Variants in RALYL observed in about 807,000 individuals in gnomAD.
RALYL encodes the protein RNA-binding Raly-like protein.
RALYL carries 29 observed loss-of-function variants against 35.1 expected under a neutral mutation model. That is an observed-to-expected ratio of 0.83 (90% CI 0.61 to 1.13). The LOEUF is 1.13. RALYL is among the 50% of genes most tolerant of loss of function. RALYL has a pLI of 0.00. For missense variants in RALYL, 359 were observed against 360.4 expected, an observed-to-expected ratio of 1.00 and a Z score of 0.03; for synonymous variants, 120 against 127.6, an observed-to-expected ratio of 0.94 and a Z score of 0.40.
At chr8:84,268,890 T>G (rs1833802746) in intron 1 of RALYL, among the ~76,000 whole-genome samples, 2 of 152,316 alleles carry the variant, frequency 1.3e-5, no homozygotes, top group South Asian at 4.1e-4. Context: ...TGAGAAAGAA[T>G]TTTAAAAGCT....
Position 84,206,719 on chromosome 8 carries a change from G to A in RALYL, c.-24+22295G>A, listed in dbSNP as rs560672915. On this transcript the variant is annotated intron_variant, in intron 1 of 8. Coordinates refer to ENST00000521268, the MANE Select transcript of RALYL (RefSeq NM_173848.7). ...TTTCTCTGGGAATAAGGAATTGTGG[G>A]CAGCAAAGAGATTGTGGCGCGACAT... Among the ~76,000 whole-genome samples, 6 of 152,254 alleles carry A rather than the reference G, an allele frequency of 3.9e-5. No individual in the cohort carries two copies. In the South Asian group the frequency reaches 1.0e-3, roughly 26 times the overall value.
At chr8:84,306,441 C>T in intron 1 of RALYL, among the ~76,000 whole-genome samples, 1 of 152,136 alleles carries the variant, frequency 6.6e-6, no homozygotes. Flanking sequence ...ATAGGTCAGA[C>T]TTTGGTGTTA....
intron 8 of RALYL, among the ~76,000 whole-genome samples, chr8:84,888,112 T>C (rs550824742): frequency 6.6e-6 from 1 of 152,336 alleles, no homozygotes; most frequent in African/African-American, 2.4e-5. Context: ...GTGGATATAA[T>C]ATCCTGGTAA....
intron 3 of RALYL, among the ~76,000 whole-genome samples, chr8:84,778,805 G>C (rs1423090158): frequency 2.6e-5 from 4 of 152,158 alleles, no homozygotes; most frequent in Non-Finnish European, 5.9e-5. Flanking sequence ...TGTGAGGAGA[G>C]AGAGTCACAA....
At chr8:84,184,760 T>A in intron 1 of RALYL, 1 of 414,308 alleles carries the variant, frequency 2.4e-6, no homozygotes, top group Non-Finnish European at 4.3e-6. Flanking sequence ...GCGGGCCCTG[T>A]AAGTTCTCCG....
intron 1 of RALYL, among the ~76,000 whole-genome samples, chr8:84,518,339 G>A (rs1246249008): frequency 6.6e-6 from 1 of 152,164 alleles, no homozygotes; most frequent in Non-Finnish European, 1.5e-5. Context: ...CTATAGCTAA[G>A]GGGAAGGGAG....
intron 1 of RALYL, among the ~76,000 whole-genome samples, chr8:84,187,959 T>C (rs1324860487): frequency 6.6e-6 from 1 of 152,068 alleles, no homozygotes; most frequent in Non-Finnish European, 1.5e-5. Flanking sequence ...TTCAAAAAGC[T>C]CCATTATGGA....
intron 2 of RALYL, among the ~76,000 whole-genome samples, chr8:84,574,259 T>G (rs904139347): frequency 6.6e-6 from 1 of 152,080 alleles, no homozygotes; most frequent in Non-Finnish European, 1.5e-5. Flanking sequence ...AAAAAAGTCT[T>G]ATCAGAACCG....
intron 2 of RALYL, among the ~76,000 whole-genome samples, chr8:84,744,234 A>C (rs1035618658): frequency 6.6e-6 from 1 of 152,104 alleles, no homozygotes; most frequent in Admixed American, 6.6e-5. Flanking sequence ...TCACTCTGTA[A>C]TGTCCATAAT....
At chr8:84,218,224 A>T (rs1170732699) in intron 1 of RALYL, among the ~76,000 whole-genome samples, 1 of 152,024 alleles carries the variant, frequency 6.6e-6, no homozygotes, top group South Asian at 2.1e-4. Context: ...ATAGGATTTA[A>T]GTCTTTGTAG....
intron 1 of RALYL, among the ~76,000 whole-genome samples, chr8:84,378,745 T>A (rs1857398085): frequency 6.6e-6 from 1 of 151,038 alleles, no homozygotes; most frequent in African/African-American, 2.4e-5. Flanking sequence ...GACACTTCAC[T>A]TTTTTTTTCA....
chr8:84,481,905 CA>C (rs2054083479), intron 1 of RALYL, among the ~76,000 whole-genome samples: 1 of 151,836 alleles, frequency 6.6e-6, no homozygotes, highest in African/African-American at 2.4e-5. Flanking sequence ...TAGATATATA[CA>C]ATTATCAACT....
intron 2 of RALYL, among the ~76,000 whole-genome samples, chr8:84,721,676 A>AT (rs1318888272): frequency 2.0e-5 from 3 of 151,914 alleles, no homozygotes; most frequent in East Asian, 1.9e-4. Context: ...CTCAGTGAAT[A>AT]TTTTTTTTAA....
At chr8:84,537,094 C>T (rs988762383) in intron 2 of RALYL, among the ~76,000 whole-genome samples, 20 of 150,122 alleles carry the variant, frequency 1.3e-4, no homozygotes, top group African/African-American at 4.2e-4. Flanking sequence ...TTTAAAAACT[C>T]TATTCAGGGT....
At chr8:84,314,849 A>G (rs949111043) in intron 1 of RALYL, among the ~76,000 whole-genome samples, 1 of 152,224 alleles carries the variant, frequency 6.6e-6, no homozygotes, top group Non-Finnish European at 1.5e-5. Context: ...ATATAAATTG[A>G]TATGAAAAAG....
Position 84,246,553 on chromosome 8 carries a change from G to A in RALYL, c.-24+62129G>A, listed in dbSNP as rs181349648. Among the ~76,000 whole-genome samples the A allele has an allele frequency of 6.7e-3, 1,014 of 152,172 alleles. 7 individuals are homozygous for A. Among genetic ancestry groups the A allele is most frequent in the Non-Finnish European group, 0.011 (781 of 67,988 alleles). On this transcript the variant is annotated intron_variant, in intron 1 of 8. Coordinates refer to ENST00000521268, the MANE Select transcript of RALYL (RefSeq NM_173848.7). ...AAGAAGGGATTGCTATGGAAAATATGATAGGAAAGACCTTCTCACAATAAG... is the reference window on the plus strand; with the variant it reads ...AAGAAGGGATTGCTATGGAAAATATAATAGGAAAGACCTTCTCACAATAAG...
At chr8:84,607,204 A>G (rs1240084442) in intron 2 of RALYL, among the ~76,000 whole-genome samples, 4 of 151,890 alleles carry the variant, frequency 2.6e-5, no homozygotes, top group East Asian at 1.9e-4. Flanking sequence ...CTTTCTCCCA[A>G]AAAGCAGTAA....
Position 84,249,875 on chromosome 8 carries a change from GTTTTT to G in RALYL, c.-24+65457_-24+65461del, listed in dbSNP as rs35180639. Among the ~76,000 whole-genome samples the G allele has an allele frequency of 1.4e-4, 21 of 148,950 alleles. No individual in the cohort carries two copies. The South Asian group carries it at 3.6e-3, about 25-fold the overall frequency. The stretch of plus-strand genomic sequence containing the variant: ...TGTATTGTTAATTTTGAGTTCAAAG[GTTTTT>G]TTTTTCCTATATGCACATAACCAAG... On this transcript the variant is annotated intron_variant, in intron 1 of 8. Transcript: ENST00000521268.
At chr8:84,420,794 T>G (rs1189526754) in intron 1 of RALYL, among the ~76,000 whole-genome samples, 1 of 114,318 alleles carries the variant, frequency 8.7e-6, no homozygotes, top group African/African-American at 4.0e-5. Flanking sequence ...CACCATTTAT[T>G]AAATAGGGAA....
Sources: gnomAD v4.1 joint callset for allele counts (sites outside exome capture counted in the v4.1 genomes callset) on GRCh38, gnomAD v4.1.1 for gene constraint, MANE v1.5 for transcripts, NCBI Gene and HGNC (gene_info 2026-07-23, HGNC 2026-07-21) for gene names.